ZNF385B: variants seen among roughly 807,000 people sequenced by gnomAD.
ZNF385B encodes zinc finger protein 385B.
In ZNF385B, 23 loss-of-function variants were observed where a neutral mutation model predicts 39.2. That is an observed-to-expected ratio of 0.59 (90% CI 0.42 to 0.83). ZNF385B has a LOEUF of 0.83. ZNF385B is among the 40% of genes least tolerant of loss of function. The probability of loss-of-function intolerance (pLI) is 0.00; values close to 1 mark genes in which losing one functional copy is unlikely to be tolerated. For synonymous variants in ZNF385B, 205 were observed against 222.6 expected, an observed-to-expected ratio of 0.92 and a Z score of 0.70; for missense variants, 552 against 598.9, an observed-to-expected ratio of 0.92 and a Z score of 0.82.
chr2:179,601,170 G>A (rs1157937569), intron 3 of ZNF385B, among the ~76,000 whole-genome samples: 1 of 152,038 alleles, frequency 6.6e-6, no homozygotes, highest in African/African-American at 2.4e-5. Context: ...AGAGACCCTG[G>A]GTATATTTCT....
At chr2:179,614,043 G>A (rs1291343622) in intron 3 of ZNF385B, among the ~76,000 whole-genome samples, 3 of 151,412 alleles carry the variant, frequency 2.0e-5, no homozygotes, top group Non-Finnish European at 2.9e-5. Flanking sequence ...TCTCCCTCCC[G>A]CAAATGCACA....
intron 3 of ZNF385B, among the ~76,000 whole-genome samples, chr2:179,590,393 T>A (rs961029272): frequency 6.6e-6 from 1 of 152,210 alleles, no homozygotes; most frequent in Non-Finnish European, 1.5e-5. Context: ...TACTTCTACC[T>A]GCGCCATTTT....
At chr2:179,822,831 T>C (rs1228384709) in intron 1 of ZNF385B, among the ~76,000 whole-genome samples, 4 of 152,200 alleles carry the variant, frequency 2.6e-5, no homozygotes, top group African/African-American at 7.2e-5. Flanking sequence ...TCTGTGCTTA[T>C]GGGAGTAAGC....
chr2:179,671,291 C>A (rs998509870), intron 3 of ZNF385B, among the ~76,000 whole-genome samples: 3 of 152,144 alleles, frequency 2.0e-5, no homozygotes, highest in Admixed American at 6.5e-5. Flanking sequence ...AAAATATTCT[C>A]TTTTTCTGAT....
intron 1 of ZNF385B, among the ~76,000 whole-genome samples, chr2:179,792,375 C>CT (rs374147864): frequency 0.65 from 80,971 of 124,040 alleles, 27,703 homozygotes; most frequent in East Asian, 0.91. Flanking sequence ...ATTTTCTTTT[C>CT]TTTTTTTTTT....
rs749809567 is a variant in ZNF385B at position 179,769,682 on chromosome 2, C to G, written c.119G>C (p.Ser40Thr). The G allele has an allele frequency of 6.2e-7, 1 of 1,614,186 alleles. No homozygotes were observed. The highest frequency in any genetic ancestry group is 8.5e-7 in the Non-Finnish European group (1 of 1,180,032). ...IKNDRPEDQL[S>T]KEKKKILFSF... Reference sequence around the variant, plus strand: ...GAAAAGAATTTTCTTTTTCTCTTTGCTCAACTGGTCCTCAGGCCTGTCGTT... The same window carrying G: ...GAAAAGAATTTTCTTTTTCTCTTTGGTCAACTGGTCCTCAGGCCTGTCGTT... The change falls in exon 3 of 10, where the codon AGC (serine) becomes ACC (threonine). Residue 40 changes from serine to threonine, a missense_variant. Coordinates refer to ENST00000410066, the MANE Select transcript of ZNF385B (RefSeq NM_152520.6).
In ZNF385B at chr2:179,547,374, T is replaced by C. The variant is rs955807285; in HGVS notation, c.299-2405A>G. On this transcript the variant is annotated intron_variant, in intron 3 of 9. Coordinates refer to ENST00000410066, the MANE Select transcript of ZNF385B (RefSeq NM_152520.6). The stretch of plus-strand genomic sequence containing the variant: ...GTCATAGATTTAAGTCTTTAATACA[T>C]TTTGATTTTATTTTTGTATATGGTG... Among the ~76,000 whole-genome samples, 9 of 149,726 alleles carry C rather than the reference T, an allele frequency of 6.0e-5. 2 individuals carry two copies. Among genetic ancestry groups the C allele is most frequent in the South Asian group, 4.3e-4 (2 of 4,684 alleles).
chr2:179,471,386 C>T (rs1559286766), intron 6 of ZNF385B, among the ~76,000 whole-genome samples: 1 of 152,136 alleles, frequency 6.6e-6, no homozygotes, highest in Non-Finnish European at 1.5e-5. Context: ...TCAAACTGGG[C>T]TCTGTGGACT....
At chr2:179,792,365 A>ATTC (rs34469960) in intron 1 of ZNF385B, among the ~76,000 whole-genome samples, 24,272 of 113,092 alleles carry the variant, frequency 0.21, 3,831 homozygotes, top group African/African-American at 0.27. Flanking sequence ...AGGCCATTTC[A>ATTC]TTTTCTTTTC....
intron 3 of ZNF385B, among the ~76,000 whole-genome samples, chr2:179,709,916 G>A (rs1559116726): frequency 6.6e-6 from 1 of 152,138 alleles, no homozygotes; most frequent in Admixed American, 6.6e-5. Context: ...TACCATAGTA[G>A]GACTAGTGCA....
chr2:179,451,720 AG>A (rs1191560471), intron 6 of ZNF385B, among the ~76,000 whole-genome samples: 1 of 152,140 alleles, frequency 6.6e-6, no homozygotes. Context: ...AAATTTGAAA[AG>A]TCACTGATAT....
At chr2:179,762,937 C>T in intron 3 of ZNF385B, among the ~76,000 whole-genome samples, 1 of 152,152 alleles carries the variant, frequency 6.6e-6, no homozygotes, top group East Asian at 1.9e-4. Flanking sequence ...TGGAGTCTTG[C>T]TCTGTCTCCC....
chr2:179,620,626 A>C (rs1690130618), intron 3 of ZNF385B, among the ~76,000 whole-genome samples: 1 of 152,130 alleles, frequency 6.6e-6, no homozygotes, highest in Non-Finnish European at 1.5e-5. Flanking sequence ...TCCTATGACA[A>C]TAAGCTAATT....
At chr2:179,556,420 CA>C (rs1223240430) in intron 3 of ZNF385B, among the ~76,000 whole-genome samples, 1 of 148,828 alleles carries the variant, frequency 6.7e-6, no homozygotes, top group East Asian at 1.9e-4. Context: ...CATGATCATG[CA>C]AAAAAAGGAA....
intron 1 of ZNF385B, among the ~76,000 whole-genome samples, chr2:179,774,140 T>G (rs572387119): frequency 6.6e-6 from 1 of 151,646 alleles, no homozygotes; most frequent in African/African-American, 2.4e-5. Flanking sequence ...ATGGTATATG[T>G]GACTGTGATG....
At chr2:179,783,782 C>T (rs1299106751) in intron 1 of ZNF385B, among the ~76,000 whole-genome samples, 1 of 152,078 alleles carries the variant, frequency 6.6e-6, no homozygotes, top group African/African-American at 2.4e-5. Flanking sequence ...TACCATCTTA[C>T]ACCAGTCAGA....
At chr2:179,850,394 T>G (rs1422315667) in intron 1 of ZNF385B, among the ~76,000 whole-genome samples, 1 of 152,190 alleles carries the variant, frequency 6.6e-6, no homozygotes, top group Non-Finnish European at 1.5e-5. Flanking sequence ...AAGGCAGCCA[T>G]ACCATTACTG....
chr2:179,817,088 T>C lies in ZNF385B; in HGVS notation c.-155+44013A>G, dbSNP rs542786586. Among the ~76,000 whole-genome samples, 90 of 152,298 alleles carry C rather than the reference T, an allele frequency of 5.9e-4. No homozygotes were observed. The South Asian group carries it at 0.016, about 27-fold the overall frequency. On this transcript the variant is annotated intron_variant, in intron 1 of 9. Coordinates refer to ENST00000410066, the MANE Select transcript of ZNF385B (RefSeq NM_152520.6). ...GAAGAAGGACAAATATCTGTCCTTA[T>C]ATATTCACAAACAGAAAGCTCTCAA...
chr2:179,514,607 C>A (rs1265188339), intron 5 of ZNF385B, among the ~76,000 whole-genome samples: 5 of 151,976 alleles, frequency 3.3e-5, no homozygotes, highest in Non-Finnish European at 7.4e-5. Flanking sequence ...TAGTATGCTA[C>A]CATTTACATA....
Sources: gnomAD v4.1 joint callset for allele counts (sites outside exome capture counted in the v4.1 genomes callset) on GRCh38, gnomAD v4.1.1 for gene constraint, MANE v1.5 for transcripts, NCBI Gene and HGNC (gene_info 2026-07-23, HGNC 2026-07-21) for gene names.